TRIM4: variants seen among roughly 807,000 people sequenced by gnomAD.
TRIM4 encodes the protein E3 ubiquitin-protein ligase TRIM4.
A neutral mutation model predicts 33.7 loss-of-function variants in TRIM4; 29 were observed. The observed-to-expected ratio is 0.86, with a 90% CI of 0.64 to 1.17. TRIM4 has a LOEUF of 1.17. Among genes scored for constraint, TRIM4 ranks in the 50% most tolerant of loss-of-function variants. TRIM4 has a pLI of 0.00. For synonymous variants in TRIM4, 224 were observed against 233.0 expected (o/e 0.96, Z 0.35); for missense variants, 554 against 593.7 (o/e 0.93, Z 0.69).
chr7:99,894,343 TAAATGTTTGGTG>T (rs1818963784), intron 5 of TRIM4, among the ~76,000 whole-genome samples: 1 of 152,108 alleles, frequency 6.6e-6, no homozygotes, highest in Non-Finnish European at 1.5e-5. Context: ...ATTTATTTCT[TAAATGTTTGGTG>T]AAATGTTTCA....
chr7:99,910,386 A>T (rs557059403), intron 1 of TRIM4, among the ~76,000 whole-genome samples: 2 of 152,352 alleles, frequency 1.3e-5, no homozygotes, highest in African/African-American at 4.8e-5. Context: ...TGGTCACTAT[A>T]GCATTATTCA....
chr7:99,915,390 A>G (rs751951502), intron 1 of TRIM4, among the ~76,000 whole-genome samples: 17 of 152,216 alleles, frequency 1.1e-4, no homozygotes, highest in Non-Finnish European at 2.4e-4. Context: ...AAAGAGCTGC[A>G]CTTGGAGGCC....
Position 99,891,986 on chromosome 7 carries a change from C to A in TRIM4, c.*177G>T. ...TCCCATCTCCATTGGCCAGACCCAC[C>A]TCCCATGGGACTGCCTCTTGTGAAG... On this transcript the variant is annotated 3_prime_UTR_variant, in exon 6 of 6. Transcript: ENST00000349062. 1 of 596,168 alleles carries A rather than the reference C, an allele frequency of 1.7e-6. No homozygotes were observed. The allele number at this position is 596,168 out of a possible 1,614,324, so 36.9% of individuals were successfully genotyped here. A position where few individuals can be genotyped will look rare whatever the true frequency, so the allele number is the denominator to read the frequency against.
chr7:99,894,650 G>C, intron 5 of TRIM4, among the ~76,000 whole-genome samples: 1 of 148,118 alleles, frequency 6.8e-6, no homozygotes. Flanking sequence ...CTAGGCAACA[G>C]ACCAAGACTC....
At chr7:99,914,700 C>T (rs1024288171) in intron 1 of TRIM4, among the ~76,000 whole-genome samples, 2 of 152,244 alleles carry the variant, frequency 1.3e-5, no homozygotes, top group East Asian at 1.9e-4. Context: ...GGCCTCTTCC[C>T]ACAGTTCCTC....
chr7:99,914,089 AC>A (rs1414017377), intron 1 of TRIM4, among the ~76,000 whole-genome samples: 1 of 152,144 alleles, frequency 6.6e-6, no homozygotes, highest in Admixed American at 6.5e-5. Context: ...TACATGCCAA[AC>A]CCCACTGCCA....
rs758969930 is a variant in TRIM4, at chr7:99,895,947, ATTT to A, written c.842-3204_842-3202del. On this transcript the variant is annotated intron_variant, in intron 5 of 5. Coordinates refer to ENST00000349062, the MANE Select transcript of TRIM4 (RefSeq NM_033091.3). Reference sequence around the variant, plus strand: ...CTTTTCCAGTAAAAAATTGGGTCTTATTTTTTTTTTTTAGCCAATCCAACCAAC... The same window carrying A: ...CTTTTCCAGTAAAAAATTGGGTCTTATTTTTTTTTAGCCAATCCAACCAAC... Among the ~76,000 whole-genome samples the A allele has an allele frequency of 2.1e-5, 3 of 143,334 alleles. No individual in the cohort carries two copies. The East Asian group carries it at 6.1e-4, about 29-fold the overall frequency. 94.0% of individuals were successfully genotyped at this position (143,334 alleles called of 152,430 possible). A position where few individuals can be genotyped will look rare whatever the true frequency, so the allele number is the denominator to read the frequency against.
intron 3 of TRIM4, chr7:99,908,349 T>C (rs1294776745): frequency 2.2e-6 from 1 of 456,554 alleles, no homozygotes; most frequent in African/African-American, 1.9e-5. Flanking sequence ...AGATGAACTA[T>C]GAGACTGTGT....
At chr7:99,903,079 G>A (rs1819212314) in intron 5 of TRIM4, 139 bp downstream of exon 5, 1 of 649,328 alleles carries the variant, frequency 1.5e-6, no homozygotes, top group Non-Finnish European at 2.7e-6. Context: ...CTTGAATGAA[G>A]TGTATACCCA....
chr7:99,909,472 A>AAACCC, intron 2 of TRIM4, 93 bp downstream of exon 2: 1 of 1,065,412 alleles, frequency 9.4e-7, no homozygotes, highest in East Asian at 2.5e-5. Context: ...GTGAACTGCA[A>AAACCC]AACCCCATGA....
intron 2 of TRIM4, among the ~76,000 whole-genome samples, chr7:99,909,133 G>GGTGGGTGTGTGT (rs1554452960): frequency 2.0e-5 from 3 of 148,512 alleles, no homozygotes; most frequent in Non-Finnish European, 4.5e-5. Flanking sequence ...GGAGTGTGAG[G>GGTGGGTGTGTGT]GTGTGTGTGT....
intron 1 of TRIM4, among the ~76,000 whole-genome samples, chr7:99,918,293 C>T (rs1819603030): frequency 6.6e-6 from 1 of 152,164 alleles, no homozygotes; most frequent in Non-Finnish European, 1.5e-5. Flanking sequence ...TGAGGCCGGG[C>T]GTGGTGACTC....
chr7:99,909,157 T>TGTGTGTGC lies in TRIM4; in HGVS notation c.490-346_490-345insGCACACAC, dbSNP rs759462306. ...GGGTGTGTGTGTGTGTGTGTGTGTG[T>TGTGTGTGC]GCGTGTGTGTGTGCATCCATTCATC... On this transcript the variant is annotated intron_variant, in intron 2 of 5. Coordinates refer to ENST00000349062, the MANE Select transcript of TRIM4 (RefSeq NM_033091.3). Among the ~76,000 whole-genome samples the TGTGTGTGC allele has an allele frequency of 2.5e-4, 37 of 150,836 alleles. 1 individual carries two copies. Among genetic ancestry groups the TGTGTGTGC allele is most frequent in the South Asian group, 4.2e-4 (2 of 4,770 alleles).
Position 99,916,624 on chromosome 7 carries a change from C to A in TRIM4, c.393+2385G>T. 3 of 743,534 alleles carry A rather than the reference C, an allele frequency of 4.0e-6. No individual in the cohort carries two copies. In the South Asian group the frequency reaches 4.3e-5, roughly 11 times the overall value. The allele number at this position is 743,534 out of a possible 1,614,324, so 46.1% of individuals were successfully genotyped here. A position where few individuals can be genotyped will look rare whatever the true frequency, so the allele number is the denominator to read the frequency against. On this transcript the variant is annotated intron_variant, in intron 1 of 5. Transcript: ENST00000349062. Reference sequence around the variant, plus strand: ...CACCAAGTCTAATTGATCACCAAGTCATTCAACTCCAGCTCATTATCACTC... The same window carrying A: ...CACCAAGTCTAATTGATCACCAAGTAATTCAACTCCAGCTCATTATCACTC...
intron 5 of TRIM4, among the ~76,000 whole-genome samples, chr7:99,895,649 A>C (rs1819000833): frequency 6.6e-6 from 1 of 152,260 alleles, no homozygotes; most frequent in Non-Finnish European, 1.5e-5. Context: ...TGAAAACTGC[A>C]AACGTAATTG....
At chr7:99,899,460 C>T (rs1819103681) in intron 5 of TRIM4, among the ~76,000 whole-genome samples, 1 of 152,172 alleles carries the variant, frequency 6.6e-6, no homozygotes, top group African/African-American at 2.4e-5. Flanking sequence ...ATCTCCTCTT[C>T]GGCCTTTCAG....
At position 99,909,658 on chromosome 7, in the gene TRIM4, C is replaced by T. The variant is rs781651283; in HGVS notation, c.396G>A (p.Glu132=). 1.2e-6 allele frequency: 2 copies of T among 1,612,460 alleles called. No individual in the cohort carries two copies. The highest frequency in any genetic ancestry group is 2.2e-5 in the East Asian group (1 of 44,860). Residue 132 remains glutamate, a splice_region_variant and synonymous_variant, in exon 2 of 6, where the codon GAG becomes GAA. Transcript: ENST00000349062. The part of the protein sequence containing the change: ...PIDEAFESYR[E]KLLKSQRNLV... Reference sequence around the variant, plus strand: ...GATTACGCTGAGACTTAAGAAGTTTCTCCTGCCAGCAGAAACACACACAGG... The same window carrying T: ...GATTACGCTGAGACTTAAGAAGTTTTTCCTGCCAGCAGAAACACACACAGG...
At chr7:99,904,164 T>C (rs1364200986) in intron 3 of TRIM4, among the ~76,000 whole-genome samples, 1 of 152,060 alleles carries the variant, frequency 6.6e-6, no homozygotes, top group Non-Finnish European at 1.5e-5. Flanking sequence ...AATGAAACAG[T>C]AGAAAAAAAT....
In TRIM4 at chr7:99,892,649, T is replaced by C; in HGVS notation, c.939A>G (p.Pro313=). The change falls in exon 6 of 6, where the codon CCA becomes CCG. Residue 313 remains proline, a synonymous_variant. Transcript: ENST00000349062. ...AGTAGTTCCATGCTGAAGAAAACAC[T>C]GGCCAAGAACTGGCTGATGCTGTAT... ...VKNTASASSW[P]VFSSAWNYFA... is the part of the protein sequence containing the mutation. The C allele has an allele frequency of 6.2e-7, 1 of 1,614,204 alleles. No individual in the cohort carries two copies. The highest frequency in any genetic ancestry group is 8.5e-7 in the Non-Finnish European group (1 of 1,180,044).
Sources: gnomAD v4.1 joint callset for allele counts (sites outside exome capture counted in the v4.1 genomes callset) on GRCh38, gnomAD v4.1.1 for gene constraint, MANE v1.5 for transcripts, NCBI Gene and HGNC (gene_info 2026-07-23, HGNC 2026-07-21) for gene names.